The following RBFOX3 variants were observed in gnomAD, a reference collection of about 807,000 sequenced individuals.
The protein encoded by RBFOX3 is RNA binding fox-1 homolog 3.
RBFOX3 carries 17 observed loss-of-function variants against 48.7 expected under a neutral mutation model. The observed-to-expected ratio is 0.35, with a 90% CI of 0.24 to 0.52. The LOEUF (loss-of-function observed/expected upper bound fraction) is 0.52. Ranked by LOEUF, RBFOX3 falls within the 20% of genes least tolerant of loss-of-function variation. The pLI is 0.94. For synonymous variants in RBFOX3, 212 were observed against 209.5 expected, an observed-to-expected ratio of 1.01 and a Z score of -0.10; for missense variants, 382 against 497.5, an observed-to-expected ratio of 0.77 and a Z score of 2.21.
chr17:79,090,923 CGG>C (rs1161196532), intron 14 of RBFOX3, 38 bp from the exon 15 acceptor site: 1 of 1,526,608 alleles, frequency 6.6e-7, no homozygotes, highest in African/African-American at 1.4e-5. Context: ...TGCAGCTTCT[CGG>C]GGGAGGCACA....
chr17:79,568,169 T>C (rs937563870), intron 1 of RBFOX3, among the ~76,000 whole-genome samples: 2 of 151,866 alleles, frequency 1.3e-5, no homozygotes, highest in South Asian at 4.2e-4. Flanking sequence ...ACATCTAGAG[T>C]ACAAAGACTT....
chr17:79,255,678 C>G (rs920936872), intron 3 of RBFOX3, among the ~76,000 whole-genome samples: 1 of 152,172 alleles, frequency 6.6e-6, no homozygotes, highest in Admixed American at 6.5e-5. Flanking sequence ...GGCCGGTGCT[C>G]AGCAGCAGCA....
chr17:79,113,053 T>TCCCACTTCCTATCC (rs2032597996), intron 5 of RBFOX3, among the ~76,000 whole-genome samples: 1 of 151,884 alleles, frequency 6.6e-6, no homozygotes. Flanking sequence ...TCTGAACTCA[T>TCCCACTTCCTATCC]CCCACTTCCT....
chr17:79,163,236 G>T lies in RBFOX3; in HGVS notation c.-33-47488C>A, dbSNP rs934956876. On this transcript the variant is annotated intron_variant, in intron 4 of 14. Coordinates refer to ENST00000693108, the MANE Select transcript of RBFOX3 (RefSeq NM_001350451.2). Reference sequence around the variant, plus strand: ...CTCCTTGGGGCCGGGCAGCACACTCGGCTGAACACCAAGTGTCACAGAGGA... The same window carrying T: ...CTCCTTGGGGCCGGGCAGCACACTCTGCTGAACACCAAGTGTCACAGAGGA... Among the ~76,000 whole-genome samples the T allele has an allele frequency of 2.0e-5, 3 of 152,202 alleles. 1 individual carries two copies. In the South Asian group the frequency reaches 6.2e-4, roughly 31 times the overall value.
intron 1 of RBFOX3, among the ~76,000 whole-genome samples, chr17:79,566,610 T>C (rs2092463377): frequency 1.3e-5 from 2 of 152,294 alleles, no homozygotes; most frequent in Non-Finnish European, 1.5e-5. Flanking sequence ...AATCAGCCAG[T>C]GGAGATGAGG....
Position 79,123,166 on chromosome 17 carries a change from G to T in RBFOX3, c.-33-7418C>A, listed in dbSNP as rs554101476. ...TTGATGGTATAACAGGGTGACTATAGTCAATAATAACTTAATTGTACACTT... is the reference window on the plus strand; with the variant it reads ...TTGATGGTATAACAGGGTGACTATATTCAATAATAACTTAATTGTACACTT... On this transcript the variant is annotated intron_variant, in intron 4 of 14. Transcript: ENST00000693108. Among the ~76,000 whole-genome samples the T allele has an allele frequency of 7.2e-5, 11 of 152,288 alleles. No homozygotes were observed. The South Asian group carries it at 2.3e-3, about 32-fold the overall frequency.
intron 3 of RBFOX3, among the ~76,000 whole-genome samples, chr17:79,261,540 C>G (rs1567936601): frequency 6.6e-6 from 1 of 152,220 alleles, no homozygotes; most frequent in African/African-American, 2.4e-5. Context: ...GGCTCTCTCT[C>G]CCCGGCACAG....
chr17:79,271,286 G>C (rs1975867), intron 3 of RBFOX3, among the ~76,000 whole-genome samples: 89,274 of 151,542 alleles, frequency 0.59, 27,267 homozygotes, highest in East Asian at 0.8. Context: ...ATGATGGCCA[G>C]GCTGGTCTCG....
Position 79,521,476 on chromosome 17 carries a change from A to G in RBFOX3, c.-319-38878T>C, listed in dbSNP as rs934431789. Among the ~76,000 whole-genome samples the G allele has an allele frequency of 1.7e-4, 26 of 152,132 alleles. 1 individual carries two copies. Among genetic ancestry groups the G allele is most frequent in the Admixed American group, 1.7e-3 (26 of 15,270 alleles). ...CACATACACAGAGATACACACATTC[A>G]GACACATTCACACACACACGCAGAT... is the stretch of plus-strand genomic sequence containing the variant. On this transcript the variant is annotated intron_variant, in intron 1 of 14. Transcript: ENST00000693108.
intron 1 of RBFOX3, among the ~76,000 whole-genome samples, chr17:79,553,032 TGC>T: frequency 6.6e-6 from 1 of 152,350 alleles, no homozygotes; most frequent in Admixed American, 6.5e-5. Context: ...CTAATGCTTC[TGC>T]TACAATATGA....
At chr17:79,474,436 C>T (rs1311137835) in intron 2 of RBFOX3, among the ~76,000 whole-genome samples, 1 of 152,248 alleles carries the variant, frequency 6.6e-6, no homozygotes, top group African/African-American at 2.4e-5. Flanking sequence ...GAGGACTAAC[C>T]CTCCTTTCCC....
chr17:79,424,640 C>T (rs921462734), intron 2 of RBFOX3, among the ~76,000 whole-genome samples: 1 of 152,160 alleles, frequency 6.6e-6, no homozygotes, highest in African/African-American at 2.4e-5. Flanking sequence ...CTCGGTCCAG[C>T]CCTGGCTCTC....
chr17:79,262,699 T>C (rs1420161026), intron 3 of RBFOX3, among the ~76,000 whole-genome samples: 1 of 152,180 alleles, frequency 6.6e-6, no homozygotes, highest in East Asian at 1.9e-4. Flanking sequence ...GATCTGTGGC[T>C]GCCCCGTGTG....
intron 1 of RBFOX3, among the ~76,000 whole-genome samples, chr17:79,582,774 C>A (rs1446019356): frequency 7.1e-6 from 1 of 139,924 alleles, no homozygotes; most frequent in Non-Finnish European, 1.5e-5. Flanking sequence ...CAGAGCAAGA[C>A]CCCGTCTCAA....
Position 79,464,327 on chromosome 17 carries a change from A to G in RBFOX3, c.-175+18127T>C, listed in dbSNP as rs1244548746. Among the ~76,000 whole-genome samples, 3 of 152,356 alleles carry G rather than the reference A, an allele frequency of 2.0e-5. No homozygotes were observed. In the East Asian group the frequency reaches 5.8e-4, roughly 29 times the overall value. On this transcript the variant is annotated intron_variant, in intron 2 of 14. Transcript: ENST00000693108. ...GGGGGAAATGTTAGCGACAGCCCGG[A>G]GAAGAGGGGAATGTTTACGTGGACG...
chr17:79,092,131 A>T, intron 14 of RBFOX3: 1 of 985,438 alleles, frequency 1.0e-6, no homozygotes, highest in African/African-American at 1.7e-5. Context: ...GGGCCATGGC[A>T]CGGGGCTGGT....
chr17:79,638,354 CAAAG>C, the RBFOX3 span, among the ~76,000 whole-genome samples: 6 of 137,376 alleles, frequency 4.4e-5, no homozygotes, highest in South Asian at 1.4e-3. Flanking sequence ...CTTAGCAATA[CAAAG>C]AAAGAGAGAA....
chr17:79,567,951 G>C (rs1427676197), intron 1 of RBFOX3, among the ~76,000 whole-genome samples: 2 of 152,194 alleles, frequency 1.3e-5, no homozygotes, highest in Non-Finnish European at 2.9e-5. Context: ...TCTATTAAGA[G>C]ATGGTTTGCA....
chr17:79,119,378 C>A (rs1213345973), intron 4 of RBFOX3, among the ~76,000 whole-genome samples: 1 of 152,218 alleles, frequency 6.6e-6, no homozygotes, highest in Admixed American at 6.5e-5. Context: ...CCCCCTTTCC[C>A]AGCTAATAAA....
Sources: allele counts gnomAD v4.1 joint callset (sites outside exome capture counted in the v4.1 genomes callset), GRCh38; gene constraint gnomAD v4.1.1; transcripts MANE v1.5; gene names NCBI Gene and HGNC (gene_info 2026-07-23, HGNC 2026-07-21).